Variants in STMN1 observed in about 807,000 individuals in gnomAD.
STMN1 encodes stathmin.
In STMN1, 3 loss-of-function variants were observed where a neutral mutation model predicts 19.7. The observed-to-expected ratio is 0.15, with a 90% confidence interval of 0.07 to 0.39. The LOEUF is 0.39. Ranked by LOEUF, STMN1 falls within the 10% of genes least tolerant of loss-of-function variation. The probability of loss-of-function intolerance (pLI) is 1.00; values close to 1 mark genes in which losing one functional copy is unlikely to be tolerated. For missense variants in STMN1, 99 were observed against 176.0 expected (o/e 0.56, Z 2.48); for synonymous variants, 59 against 58.9 (o/e 1.00, Z -0.01).
intron 4 of STMN1, among the ~76,000 whole-genome samples, chr1:25,886,967 T>C (rs543322605): frequency 6.6e-6 from 1 of 152,094 alleles, no homozygotes; most frequent in Non-Finnish European, 1.5e-5. Context: ...GCAGCCCTCG[T>C]TGACCGGTCC....
At chr1:25,901,864 G>T in intron 3 of STMN1, 182 bp from the exon 4 acceptor site, 1 of 423,494 alleles carries the variant, frequency 2.4e-6, no homozygotes, top group Non-Finnish European at 4.0e-6. Flanking sequence ...ACAAAAATTA[G>T]CCGGGCGTGG....
intron 3 of STMN1, 136 bp downstream of exon 3, chr1:25,903,505 G>A: frequency 8.4e-7 from 1 of 1,197,340 alleles, no homozygotes; most frequent in South Asian, 1.4e-5. Context: ...ATGAGGACTG[G>A]TATTTCCTTC....
intron 4 of STMN1, among the ~76,000 whole-genome samples, chr1:25,894,923 G>A (rs1028963539): frequency 1.3e-5 from 2 of 151,854 alleles, no homozygotes; most frequent in Non-Finnish European, 2.9e-5. Context: ...TGAGGGTCCT[G>A]AGTCTCATAT....
intron 2 of STMN1, 149 bp downstream of exon 2, chr1:25,904,515 A>G (rs2048914924): frequency 1.5e-6 from 1 of 688,880 alleles, no homozygotes; most frequent in Non-Finnish European, 2.5e-6. Context: ...CATTCAAGTG[A>G]TAATCATTTT....
At chr1:25,886,674 C>T (rs184278721) in intron 4 of STMN1, among the ~76,000 whole-genome samples, 86 of 151,136 alleles carry the variant, frequency 5.7e-4, no homozygotes, top group Non-Finnish European at 8.6e-4. Context: ...CTGCAACCTC[C>T]GCCTCCCAGG....
chr1:25,901,169 C>T, intron 4 of STMN1, 82 bp from the exon 5 acceptor site: 3 of 1,563,264 alleles, frequency 1.9e-6, no homozygotes, highest in Non-Finnish European at 1.7e-6. Context: ...CCAGCCCCCA[C>T]CTCAAAGAGG....
At chr1:25,895,521 G>GA (rs1350681395), downstream of STMN1, among the ~76,000 whole-genome samples, 1 of 152,180 alleles carries the variant, frequency 6.6e-6, no homozygotes, top group Non-Finnish European at 1.5e-5. Flanking sequence ...CGGATCCAGC[G>GA]AAAGACAGAA....
downstream of STMN1, among the ~76,000 whole-genome samples, chr1:25,896,575 G>A (rs2048819895): frequency 6.6e-6 from 1 of 152,206 alleles, no homozygotes; most frequent in South Asian, 2.1e-4. Context: ...GACTGGGCAG[G>A]TACTGCTCTG....
At chr1:25,892,449 AT>A in intron 4 of STMN1, 1 of 643,076 alleles carries the variant, frequency 1.6e-6, no homozygotes, top group Middle Eastern at 8.0e-4. Flanking sequence ...AAAGGCCTGT[AT>A]TTGAGACCAT....
chr1:25,904,143 T>C (rs2048909087), intron 2 of STMN1, among the ~76,000 whole-genome samples: 1 of 152,070 alleles, frequency 6.6e-6, no homozygotes, highest in Non-Finnish European at 1.5e-5. Flanking sequence ...GGAAAGCCCA[T>C]CTCTACAAAA....
At chr1:25,901,281 C>A in intron 4 of STMN1, 194 bp from the exon 5 acceptor site, 1 of 1,188,012 alleles carries the variant, frequency 8.4e-7, no homozygotes, top group South Asian at 1.6e-5. Context: ...TAGAACCTAA[C>A]AAGCTGCCTA....
intron 4 of STMN1, among the ~76,000 whole-genome samples, chr1:25,889,536 C>T (rs1409463920): frequency 6.6e-6 from 1 of 151,984 alleles, no homozygotes; most frequent in Non-Finnish European, 1.5e-5. Context: ...CACTGCATGC[C>T]CACATCCAGT....
At chr1:25,903,362 C>G in intron 3 of STMN1, 8 of 330,980 alleles carry the variant, frequency 2.4e-5, no homozygotes, top group South Asian at 1.9e-4. Context: ...CCAACACTTA[C>G]TAGTTGTATG....
downstream of STMN1, among the ~76,000 whole-genome samples, chr1:25,897,327 GA>G (rs2048827569): frequency 1.7e-5 from 1 of 59,152 alleles, no homozygotes; most frequent in Non-Finnish European, 4.5e-5. Context: ...AAAAAAAAAA[GA>G]AAAGAAAAAA....
chr1:25,888,038 G>A (rs2048739922), intron 4 of STMN1, among the ~76,000 whole-genome samples: 1 of 152,016 alleles, frequency 6.6e-6, no homozygotes, highest in Admixed American at 6.6e-5. Flanking sequence ...GGGTGGGAGG[G>A]GGGTCAGTGA....
chr1:25,901,740 T>C (rs2048876727), intron 3 of STMN1, 58 bp from the exon 4 acceptor site: 1 of 1,524,530 alleles, frequency 6.6e-7, no homozygotes, highest in East Asian at 2.3e-5. Context: ...CTGGGTGTGG[T>C]GGCTCACGCC....
At chr1:25,901,330 C>T (rs974137340) in intron 4 of STMN1, 161 bp downstream of exon 4, 6 of 1,141,002 alleles carry the variant, frequency 5.3e-6, no homozygotes, top group Non-Finnish European at 7.3e-6. Context: ...CTGGGAATTA[C>T]TGAATATTCC....
chr1:25,886,619 C>G (rs2048723611), intron 4 of STMN1, among the ~76,000 whole-genome samples: 1 of 137,936 alleles, frequency 7.2e-6, no homozygotes. Flanking sequence ...GATGGAGTCT[C>G]ACTCTGTTGC....
chr1:25,885,997 A>T (rs747486402), intron 4 of STMN1: 2 of 1,301,942 alleles, frequency 1.5e-6, no homozygotes, highest in Non-Finnish European at 2.0e-6. Flanking sequence ...TCATCCAGGG[A>T]TCTTTAAAAA....
Sources: gnomAD v4.1 joint callset for allele counts (sites outside exome capture counted in the v4.1 genomes callset) on GRCh38, gnomAD v4.1.1 for gene constraint, MANE v1.5 for transcripts, NCBI Gene and HGNC (gene_info 2026-07-23, HGNC 2026-07-21) for gene names.